PCDHGA12: variants seen among roughly 807,000 people sequenced by gnomAD.
The protein encoded by PCDHGA12 is protocadherin gamma-A12.
A neutral mutation model predicts 61.1 loss-of-function variants in PCDHGA12; 43 were observed. That is an observed-to-expected ratio of 0.70 (90% CI 0.55 to 0.91). PCDHGA12 has a LOEUF of 0.91. PCDHGA12 is among the 40% of genes least tolerant of loss of function. PCDHGA12 has a pLI of 0.00. For missense variants in PCDHGA12, 1,236 were observed against 1,227.7 expected (o/e 1.01, Z -0.10); for synonymous variants, 520 against 542.9 (o/e 0.96, Z 0.59).
intron 2 of PCDHGA12, among the ~76,000 whole-genome samples, chr5:141,498,068 A>G (rs765582921): frequency 6.6e-6 from 1 of 152,244 alleles, no homozygotes; most frequent in Non-Finnish European, 1.5e-5. Context: ...TGAAACTGTC[A>G]TAAGTGCTAG....
chr5:141,460,833 T>G (rs541553903), intron 1 of PCDHGA12, among the ~76,000 whole-genome samples: 2 of 151,928 alleles, frequency 1.3e-5, no homozygotes, highest in African/African-American at 4.8e-5. Flanking sequence ...ACACTTAAAG[T>G]AATGGCCTCC....
chr5:141,486,029 C>G lies in PCDHGA12; in HGVS notation c.2425-8778C>G. Reference sequence around the variant, plus strand: ...CACCTTTTATTTCAGTGGTCATACCCCTGATCGTGTAAGAAACCTCTTTAG... The same window carrying G: ...CACCTTTTATTTCAGTGGTCATACCGCTGATCGTGTAAGAAACCTCTTTAG... On this transcript the variant is annotated intron_variant, in intron 1 of 3. Transcript: ENST00000252085. The surrounding 1 kb of genome is among the most constrained non-coding windows in gnomAD (Gnocchi z 5.0). 6.2e-7 allele frequency: 1 copy of G among 1,614,016 alleles called. No homozygotes were observed. Among genetic ancestry groups the G allele is most frequent in the Non-Finnish European group, 8.5e-7 (1 of 1,179,900 alleles).
Position 141,485,210 on chromosome 5 carries a change from C to T in PCDHGA12, c.2425-9597C>T, listed in dbSNP as rs2099609472. 1.2e-6 allele frequency: 2 copies of T among 1,614,058 alleles called. No individual in the cohort carries two copies. The highest frequency in any genetic ancestry group is 1.3e-5 in the African/African-American group (1 of 75,046). ...GGTGAGAAGCTGGACAGAAATCTGG[C>T]GGTGGGCTACCCTTTTGTTCCTCTT... On this transcript the variant is annotated intron_variant, in intron 1 of 3. Coordinates refer to ENST00000252085, the MANE Select transcript of PCDHGA12 (RefSeq NM_003735.3). The surrounding 1 kb of genome is among the most constrained non-coding windows in gnomAD (Gnocchi z 5.7).
At position 141,432,554 on chromosome 5, in the gene PCDHGA12, G is replaced by A. The variant is rs757821109; in HGVS notation, c.1795G>A (p.Gly599Ser). The A allele has an allele frequency of 9.3e-6, 15 of 1,613,832 alleles. No homozygotes were observed. Among genetic ancestry groups the A allele is most frequent in the Non-Finnish European group, 1.3e-5 (15 of 1,180,006 alleles). Residue 599 changes from glycine (G) to serine (S), a missense_variant, in exon 1 of 4, where the codon GGC becomes AGC. Gly to Ser is a moderately conservative substitution (Grantham distance 56). Coordinates refer to ENST00000252085, the MANE Select transcript of PCDHGA12 (RefSeq NM_003735.3). The surrounding 1 kb of genome is among the most constrained non-coding windows in gnomAD (Gnocchi z 6.0). ...GGTGGTGGCGGTGGACAGAGACTCCGGCCAGAACGCCTGGCTGTCCTACCG... is the reference window on the plus strand; with the variant it reads ...GGTGGTGGCGGTGGACAGAGACTCCAGCCAGAACGCCTGGCTGTCCTACCG... ...TKVVAVDRDSGQNAWLSYRLL... is the reference protein window; with the variant it reads ...TKVVAVDRDSSQNAWLSYRLL...
At chr5:141,438,210 A>G (rs1228726792) in intron 1 of PCDHGA12, among the ~76,000 whole-genome samples, 2 of 152,188 alleles carry the variant, frequency 1.3e-5, no homozygotes, top group Non-Finnish European at 2.9e-5. Flanking sequence ...ACCATATGGG[A>G]AGGGCTCTGG....
At position 141,431,808 on chromosome 5, in the gene PCDHGA12, C is replaced by A. The variant is rs2097419249; in HGVS notation, c.1049C>A (p.Thr350Asn). Reference sequence around the variant, plus strand: ...GACAATGCCCCAGAAGTGGTCCTCACCTCTCTCGCCAGCTCGGTTCCCGAA... The same window carrying A: ...GACAATGCCCCAGAAGTGGTCCTCAACTCTCTCGCCAGCTCGGTTCCCGAA... ...VNDNAPEVVL[T>N]SLASSVPENS... Residue 350 changes from threonine to asparagine, a missense_variant, in exon 1 of 4, where the codon ACC becomes AAC. Physicochemically the swap from Thr to Asn is moderately conservative, Grantham distance 65 (BLOSUM62 0). Transcript: ENST00000252085. The surrounding 1 kb of genome is among the most constrained non-coding windows in gnomAD (Gnocchi z 4.8). The A allele has an allele frequency of 6.2e-7, 1 of 1,614,236 alleles. No individual in the cohort carries two copies. Among genetic ancestry groups the A allele is most frequent in the Non-Finnish European group, 8.5e-7 (1 of 1,180,040 alleles).
rs1193620622 is a variant in PCDHGA12, at chr5:141,512,906, G to A, written c.*1733G>A. On this transcript the variant is annotated 3_prime_UTR_variant, in exon 4 of 4. Coordinates refer to ENST00000252085, the MANE Select transcript of PCDHGA12 (RefSeq NM_003735.3). ...CACCCTCTTCCTGTGTCTCACGCAA[G>A]TTTTATACTCTAATATTTATATGGC... 2.0e-5 allele frequency: 3 copies of A among 152,206 alleles called. No homozygotes were observed. Among genetic ancestry groups the A allele is most frequent in the African/African-American group, 7.2e-5 (3 of 41,438 alleles). The allele number at this position is 152,206 out of a possible 1,614,324, so 9.4% of individuals were successfully genotyped here.
intron 1 of PCDHGA12, among the ~76,000 whole-genome samples, chr5:141,468,777 A>T (rs2099178581): frequency 6.7e-6 from 1 of 150,364 alleles, no homozygotes; most frequent in Non-Finnish European, 1.5e-5. Flanking sequence ...GAGGCAGGAG[A>T]ATGGCGTGAA....
chr5:141,468,433 A>G (rs2099167290), intron 1 of PCDHGA12: 1 of 152,202 alleles, frequency 6.6e-6, no homozygotes, highest in Non-Finnish European at 1.5e-5. Context: ...GGTAATAGCA[A>G]AATGTGGGTG....
rs1425295626 is a variant in PCDHGA12 at position 141,477,940 on chromosome 5, C to T, written c.2425-16867C>T. On this transcript the variant is annotated intron_variant, in intron 1 of 3. Coordinates refer to ENST00000252085, the MANE Select transcript of PCDHGA12 (RefSeq NM_003735.3). This position sits in a 1 kb window ranked among gnomAD's most constrained non-coding sequence, Gnocchi z 4.9. ...CAGGGCACAATGCCTGGCTCTCCTA[C>T]AGTCTCTTGGGATCCCCTAACCAGA... The T allele has an allele frequency of 6.2e-7, 1 of 1,614,178 alleles. No homozygotes were observed. Among genetic ancestry groups the T allele is most frequent in the South Asian group, 1.1e-5 (1 of 91,084 alleles).
Position 141,431,303 on chromosome 5 carries a change from G to A in PCDHGA12, c.544G>A (p.Val182Met), listed in dbSNP as rs777784010. 2 of 1,613,942 alleles carry A rather than the reference G, an allele frequency of 1.2e-6. No homozygotes were observed. The highest frequency in any genetic ancestry group is 2.7e-5 in the African/African-American group (2 of 74,916). ...CCCGAACACTCACTTCTCCCTCATC[G>A]TGCAAAATGGAGCCGACGGTAGTAA... ...LSPNTHFSLI[V>M]QNGADGSKYP... The change falls in exon 1 of 4, where the codon GTG becomes ATG. Residue 182 changes from valine to methionine, a missense_variant. Physicochemically the swap from Val to Met is conservative, Grantham distance 21. Transcript: ENST00000252085. The surrounding 1 kb of genome is among the most constrained non-coding windows in gnomAD (Gnocchi z 4.8).
At chr5:141,474,426 C>T (rs2099349464) in intron 1 of PCDHGA12, among the ~76,000 whole-genome samples, 1 of 152,198 alleles carries the variant, frequency 6.6e-6, no homozygotes, top group Non-Finnish European at 1.5e-5. Context: ...ACCATTGGTC[C>T]TCACACTTTG....
At chr5:141,506,053 T>C (rs1486313858) in intron 3 of PCDHGA12, among the ~76,000 whole-genome samples, 1 of 152,126 alleles carries the variant, frequency 6.6e-6, no homozygotes, top group Non-Finnish European at 1.5e-5. Context: ...TCCCATAAGG[T>C]TGACTAAGGG....
At chr5:141,464,729 G>T (rs1412585185) in intron 1 of PCDHGA12, among the ~76,000 whole-genome samples, 1 of 151,948 alleles carries the variant, frequency 6.6e-6, no homozygotes, top group Non-Finnish European at 1.5e-5. Context: ...ATGTTTAAAA[G>T]CCAGTTTATA....
chr5:141,494,815 G>T lies in PCDHGA12; in HGVS notation c.2433G>T (p.Pro811=). The change falls in exon 2 of 4, where the codon CCG becomes CCT. Residue 811 remains proline, a synonymous_variant. Transcript: ENST00000252085. ...CTCTGTTTTCTCCACAGCAAGCCCC[G>T]CCCAACACGGACTGGCGTTTCTCTC... The part of the protein sequence containing the change: ...KDSHGLIEQA[P]PNTDWRFSQA... 1.2e-6 allele frequency: 2 copies of T among 1,613,976 alleles called. No individual in the cohort carries two copies. The highest frequency in any genetic ancestry group is 1.1e-5 in the South Asian group (1 of 91,072).
At chr5:141,442,111 C>G (rs1265830634) in intron 1 of PCDHGA12, 1 of 166,236 alleles carries the variant, frequency 6.0e-6, no homozygotes, top group Non-Finnish European at 1.3e-5. Context: ...CACTACCGCC[C>G]CTCGTCGCCG....
intron 2 of PCDHGA12, 149 bp from the exon 3 acceptor site, chr5:141,505,244 T>C (rs886952348): frequency 7.0e-7 from 1 of 1,428,216 alleles, no homozygotes; most frequent in Non-Finnish European, 9.4e-7. Context: ...TGAAGGATTG[T>C]AGAAGTGCCT....
At chr5:141,510,450 T>G (rs1273211856) in intron 3 of PCDHGA12, among the ~76,000 whole-genome samples, 1 of 151,946 alleles carries the variant, frequency 6.6e-6, no homozygotes, top group Non-Finnish European at 1.5e-5. Flanking sequence ...CAGGAGCCCA[T>G]GGTCTAGTGT....
chr5:141,510,994 G>A lies in PCDHGA12; in HGVS notation c.2620G>A (p.Gly874Arg). ...CCTGGGAGGGGGTGCCGGCACCATG[G>A]GATTGAGCGCCCGCTACGGACCCCA... ...STLGGGAGTM[G>R]LSARYGPQFT... The change falls in exon 4 of 4, where the codon GGA becomes AGA. Residue 874 changes from glycine to arginine, a missense_variant. Physicochemically the swap from Gly to Arg is moderately radical, Grantham distance 125 (BLOSUM62 -2). Transcript: ENST00000252085. 1 of 1,614,168 alleles carries A rather than the reference G, an allele frequency of 6.2e-7. No homozygotes were observed. Among genetic ancestry groups the A allele is most frequent in the Non-Finnish European group, 8.5e-7 (1 of 1,180,022 alleles).
Sources: allele counts gnomAD v4.1 joint callset (sites outside exome capture counted in the v4.1 genomes callset), GRCh38; gene constraint gnomAD v4.1.1; non-coding constraint Gnocchi (gnomAD v3.1); transcripts MANE v1.5; gene names NCBI Gene and HGNC (gene_info 2026-07-23, HGNC 2026-07-21).